The following MYO5B variants were observed in gnomAD, a reference collection of about 807,000 sequenced individuals.
MYO5B encodes the protein unconventional myosin-Vb.
In MYO5B, 143 loss-of-function variants were observed where a neutral mutation model predicts 229.3. The ratio of observed to expected loss-of-function variants is 0.62; its 90% CI spans 0.54 to 0.72. The LOEUF (loss-of-function observed/expected upper bound fraction) is 0.72. Among genes scored for constraint, MYO5B ranks in the 30% least tolerant of loss-of-function variants. The pLI is 0.00. For synonymous variants in MYO5B, 918 were observed against 885.2 expected, an observed-to-expected ratio of 1.04 and a Z score of -0.66; for missense variants, 2,321 against 2,331.0, an observed-to-expected ratio of 1.00 and a Z score of 0.09.
At chr18:50,007,735 C>A (rs149510450) in intron 4 of MYO5B, among the ~76,000 whole-genome samples, 97 of 152,340 alleles carry the variant, frequency 6.4e-4, no homozygotes, top group African/African-American at 1.9e-3. Context: ...ATGCCTGGTA[C>A]TCAATCACAT....
At chr18:50,150,642 A>G (rs2032583746) in intron 1 of MYO5B, among the ~76,000 whole-genome samples, 1 of 152,172 alleles carries the variant, frequency 6.6e-6, no homozygotes. Flanking sequence ...ATGGGAACAC[A>G]TGGACACAGG....
intron 1 of MYO5B, among the ~76,000 whole-genome samples, chr18:50,172,959 C>T (rs1251855539): frequency 1.3e-5 from 2 of 152,168 alleles, no homozygotes; most frequent in African/African-American, 4.8e-5. Flanking sequence ...CTGCACTGTT[C>T]AGTGAACAAA....
intron 35 of MYO5B, among the ~76,000 whole-genome samples, chr18:49,841,164 A>G (rs944333832): frequency 1.3e-5 from 2 of 152,178 alleles, no homozygotes; most frequent in African/African-American, 4.8e-5. Context: ...CCTTGGGCTC[A>G]TCAAGGCCTC....
intron 33 of MYO5B, among the ~76,000 whole-genome samples, chr18:49,843,857 T>C (rs2024093071): frequency 6.6e-6 from 1 of 152,220 alleles, no homozygotes; most frequent in South Asian, 2.1e-4. Flanking sequence ...ACAAATTGTA[T>C]GTGCCCAAAG....
chr18:49,907,615 TAC>T (rs1394693426), intron 18 of MYO5B, among the ~76,000 whole-genome samples: 2 of 152,198 alleles, frequency 1.3e-5, no homozygotes, highest in East Asian at 3.8e-4. Flanking sequence ...CCAAGGAAAA[TAC>T]ACACACAACA....
chr18:49,944,640 G>A (rs2025351322), intron 14 of MYO5B, among the ~76,000 whole-genome samples: 1 of 151,936 alleles, frequency 6.6e-6, no homozygotes, highest in Admixed American at 6.6e-5. Context: ...ATAAATGGAA[G>A]AGCTGACCAG....
chr18:50,103,339 T>G (rs934816665), intron 1 of MYO5B, among the ~76,000 whole-genome samples: 48 of 152,210 alleles, frequency 3.2e-4, no homozygotes, highest in South Asian at 2.1e-4. Context: ...TAAAAGACAC[T>G]CTATCCTGAC....
intron 1 of MYO5B, among the ~76,000 whole-genome samples, chr18:50,143,791 A>G (rs887282557): frequency 3.0e-4 from 45 of 152,186 alleles, no homozygotes; most frequent in African/African-American, 1.1e-3. Flanking sequence ...GGCGTGCAAC[A>G]CACAATTTGT....
rs375492028 is a variant in MYO5B at position 49,992,934 on chromosome 18, G to C, written c.613-503C>G. ...CACTTTGATCAGTTCTACATGAGCA[G>C]GCAGTCAAATGTCACTCCCAACTGA... is the stretch of plus-strand genomic sequence containing the variant. On this transcript the variant is annotated intron_variant, in intron 5 of 39. Coordinates refer to ENST00000285039, the MANE Select transcript of MYO5B (RefSeq NM_001080467.3). Among the ~76,000 whole-genome samples, 7 of 152,282 alleles carry C rather than the reference G, an allele frequency of 4.6e-5. 1 individual carries two copies. The East Asian group carries it at 7.7e-4, about 17-fold the overall frequency.
At chr18:49,973,271 A>G (rs1456143171) in intron 10 of MYO5B, among the ~76,000 whole-genome samples, 3 of 151,978 alleles carry the variant, frequency 2.0e-5, no homozygotes, top group Admixed American at 6.5e-5. Flanking sequence ...TCAATTTGAA[A>G]CCCAGGGATG....
chr18:49,987,166 G>T (rs1323875708), intron 7 of MYO5B, among the ~76,000 whole-genome samples: 1 of 152,006 alleles, frequency 6.6e-6, no homozygotes, highest in Non-Finnish European at 1.5e-5. Context: ...CCCAAACTCA[G>T]GCCCAGTTCC....
At chr18:50,150,148 A>T (rs1261242101) in intron 1 of MYO5B, among the ~76,000 whole-genome samples, 1 of 137,394 alleles carries the variant, frequency 7.3e-6, no homozygotes, top group East Asian at 2.2e-4. Context: ...ATCTCACACC[A>T]GTTAGAATGG....
chr18:49,974,435 A>G lies in MYO5B; in HGVS notation c.1237T>C (p.Phe413Leu). ...ALAKHIYAQL[F>L]GWIVEHINKA... ...TTGATGTGCTCCACAATCCAGCCGA[A>G]CAACTGGGCATAGATGTGCTTCGCC... Residue 413 changes from phenylalanine to leucine, a missense_variant, in exon 10 of 40, where the codon TTC becomes CTC. Transcript: ENST00000285039. 1 of 1,614,210 alleles carries G rather than the reference A, an allele frequency of 6.2e-7. No homozygotes were observed. The highest frequency in any genetic ancestry group is 8.5e-7 in the Non-Finnish European group (1 of 1,180,008).
intron 22 of MYO5B, among the ~76,000 whole-genome samples, chr18:49,890,033 T>C (rs1414588056): frequency 6.6e-6 from 1 of 152,170 alleles, no homozygotes; most frequent in Non-Finnish European, 1.5e-5. Context: ...CTAAACAATT[T>C]TGGAGGTAGG....
chr18:49,837,022 G>A, intron 37 of MYO5B, 137 bp from the exon 38 acceptor site: 2 of 830,846 alleles, frequency 2.4e-6, no homozygotes, highest in Non-Finnish European at 3.9e-6. Flanking sequence ...CATGGCAAGT[G>A]CCTTGCACTC....
chr18:49,899,841 C>A (rs565959502), intron 21 of MYO5B, among the ~76,000 whole-genome samples: 1 of 152,244 alleles, frequency 6.6e-6, no homozygotes, highest in Non-Finnish European at 1.5e-5. Context: ...CCTCTACACA[C>A]AGGGCATCCT....
At chr18:50,123,789 C>A (rs930772649) in intron 1 of MYO5B, among the ~76,000 whole-genome samples, 1 of 152,180 alleles carries the variant, frequency 6.6e-6, no homozygotes, top group Non-Finnish European at 1.5e-5. Flanking sequence ...CTTTTGCAGT[C>A]ATTCCTCAAA....
chr18:49,903,775 G>T (rs1326688882), intron 20 of MYO5B, among the ~76,000 whole-genome samples: 1 of 152,252 alleles, frequency 6.6e-6, no homozygotes, highest in African/African-American at 2.4e-5. Context: ...CTTCAGATGT[G>T]TTGGTGTTAC....
intron 27 of MYO5B, among the ~76,000 whole-genome samples, chr18:49,867,187 C>T: frequency 6.6e-6 from 1 of 152,106 alleles, no homozygotes; most frequent in African/African-American, 2.4e-5. Context: ...TGGCATGGCC[C>T]ATGGCAGGGA....
Sources: allele counts gnomAD v4.1 joint callset (sites outside exome capture counted in the v4.1 genomes callset), GRCh38; gene constraint gnomAD v4.1.1; transcripts MANE v1.5; gene names NCBI Gene and HGNC (gene_info 2026-07-23, HGNC 2026-07-21).